The following LY96 variants were observed in gnomAD, a reference collection of about 807,000 sequenced individuals.
LY96 encodes the protein lymphocyte antigen 96, also known as myeloid differentiation protein-2.
A neutral mutation model predicts 18.9 loss-of-function variants in LY96; 18 were observed. The observed-to-expected ratio is 0.95, with a 90% CI of 0.66 to 1.41. LY96 has a LOEUF of 1.41. LY96 is among the 40% of genes most tolerant of loss of function. The probability of loss-of-function intolerance (pLI) is 0.00; values close to 1 mark genes in which losing one functional copy is unlikely to be tolerated. For synonymous variants in LY96, 66 were observed against 62.6 expected, an observed-to-expected ratio of 1.06 and a Z score of -0.26; for missense variants, 175 against 182.4, an observed-to-expected ratio of 0.96 and a Z score of 0.23.
At chr8:74,025,787 C>T (rs550956467) in intron 3 of LY96, among the ~76,000 whole-genome samples, 76 of 152,242 alleles carry the variant, frequency 5.0e-4, no homozygotes, top group South Asian at 6.2e-4. Context: ...GCGGGCAGAT[C>T]GCCTGAAGTT....
chr8:74,081,037 T>TCTTA, the LY96 span, among the ~76,000 whole-genome samples: 12 of 123,416 alleles, frequency 9.7e-5, no homozygotes, highest in African/African-American at 1.6e-4. Context: ...TTTCTTTCTT[T>TCTTA]CTTTCTTTCT....
chr8:74,024,733 T>G (rs559630662), intron 3 of LY96, among the ~76,000 whole-genome samples: 96 of 152,322 alleles, frequency 6.3e-4, no homozygotes, highest in African/African-American at 2.3e-3. Context: ...TCTTTATCCT[T>G]ACTGCATCTT....
the LY96 span, among the ~76,000 whole-genome samples, chr8:74,063,775 A>G: frequency 0.039 from 5,892 of 150,142 alleles, 322 homozygotes; most frequent in African/African-American, 0.11. Context: ...CTTTTTTGCT[A>G]TAGTGTAAGA....
chr8:74,096,805 G>T, the LY96 span, among the ~76,000 whole-genome samples: 2 of 152,136 alleles, frequency 1.3e-5, no homozygotes, highest in African/African-American at 4.8e-5. Context: ...TGCTAGGATG[G>T]CTGGCTTGCT....
the LY96 span, among the ~76,000 whole-genome samples, chr8:74,070,361 G>C: frequency 6.6e-6 from 1 of 152,052 alleles, no homozygotes; most frequent in South Asian, 2.1e-4. Flanking sequence ...GAAGTGCTAG[G>C]ATTACAGGCG....
chr8:74,091,183 C>T, the LY96 span, among the ~76,000 whole-genome samples: 1 of 152,128 alleles, frequency 6.6e-6, no homozygotes, highest in African/African-American at 2.4e-5. Context: ...TTGTGTGGGA[C>T]ATTCTATGAA....
downstream of LY96, chr8:74,029,146 A>G (rs553827098): frequency 1.2e-5 from 9 of 729,724 alleles, no homozygotes; most frequent in South Asian, 1.4e-4. Context: ...GTAGGATAGG[A>G]AGACACAGAA....
intron 2 of LY96, among the ~76,000 whole-genome samples, chr8:74,007,541 A>G (rs1298603747): frequency 6.6e-6 from 1 of 152,164 alleles, no homozygotes; most frequent in Admixed American, 6.5e-5. Flanking sequence ...TGAATTCAGG[A>G]AGAGATACAA....
At chr8:74,032,938 G>A (rs527922198), downstream of LY96, among the ~76,000 whole-genome samples, 10 of 152,286 alleles carry the variant, frequency 6.6e-5, no homozygotes, top group South Asian at 1.9e-3. Context: ...GAACACCCCA[G>A]ATGAAGCAGT....
At chr8:74,056,668 T>C in the LY96 span, 2 of 153,044 alleles carry the variant, frequency 1.3e-5, no homozygotes, top group South Asian at 4.1e-4. Context: ...CTTTTAACGG[T>C]GACAAAAGTC....
chr8:74,094,595 T>C, the LY96 span, among the ~76,000 whole-genome samples: 49,376 of 152,066 alleles, frequency 0.32, 8,294 homozygotes, highest in African/African-American at 0.37. Flanking sequence ...TCTGAAATGA[T>C]GAGGTTTGAT....
chr8:74,074,394 TTC>T, the LY96 span, among the ~76,000 whole-genome samples: 2 of 152,156 alleles, frequency 1.3e-5, no homozygotes, highest in Admixed American at 1.3e-4. Flanking sequence ...TTTCTTTTGA[TTC>T]TTTTTCTTTC....
downstream of LY96, among the ~76,000 whole-genome samples, chr8:74,031,243 C>G (rs1253462676): frequency 7.3e-6 from 1 of 136,630 alleles, no homozygotes; most frequent in East Asian, 1.9e-4. Flanking sequence ...CACTTGGAGA[C>G]TATTTCTCTT....
At chr8:74,085,491 C>T in the LY96 span, among the ~76,000 whole-genome samples, 2 of 152,222 alleles carry the variant, frequency 1.3e-5, no homozygotes, top group African/African-American at 4.8e-5. Flanking sequence ...GCCAATCACC[C>T]ACGAAACCAA....
the LY96 span, among the ~76,000 whole-genome samples, chr8:74,038,699 C>CT: frequency 1.3e-5 from 2 of 152,110 alleles, no homozygotes; most frequent in African/African-American, 2.4e-5. Flanking sequence ...GACTCTCATT[C>CT]TTTTTTGTGG....
the LY96 span, among the ~76,000 whole-genome samples, chr8:74,091,360 G>A: frequency 6.6e-6 from 1 of 152,178 alleles, no homozygotes; most frequent in African/African-American, 2.4e-5. Flanking sequence ...ACTTTCTGCT[G>A]TTAGAATTCG....
At chr8:74,016,601 C>A (rs543391206) in intron 3 of LY96, among the ~76,000 whole-genome samples, 1 of 152,318 alleles carries the variant, frequency 6.6e-6, no homozygotes, top group South Asian at 2.1e-4. Flanking sequence ...CTCGGAGACA[C>A]CTCCTAGTAG....
chr8:74,078,890 T>C, the LY96 span, among the ~76,000 whole-genome samples: 1 of 152,062 alleles, frequency 6.6e-6, no homozygotes, highest in Non-Finnish European at 1.5e-5. Flanking sequence ...GAGCGTTTCC[T>C]CTTCCTAAGG....
downstream of LY96, among the ~76,000 whole-genome samples, chr8:74,029,353 G>T (rs1816931068): frequency 6.6e-6 from 1 of 152,142 alleles, no homozygotes; most frequent in East Asian, 1.9e-4. Flanking sequence ...ATATGGTTTG[G>T]CTGTGTCCCC....
Sources: gnomAD v4.1 joint callset for allele counts (sites outside exome capture counted in the v4.1 genomes callset) on GRCh38, gnomAD v4.1.1 for gene constraint, MANE v1.5 for transcripts, NCBI Gene and HGNC (gene_info 2026-07-23, HGNC 2026-07-21) for gene names.